The following GLG1 variants were observed in gnomAD, a reference collection of about 807,000 sequenced individuals.
GLG1 encodes the protein golgi glycoprotein 1, also known as Golgi apparatus protein 1.
Under a neutral mutation model 160.5 loss-of-function variants are expected in GLG1, and 38 were observed. That is an observed-to-expected ratio of 0.24 (90% confidence interval 0.18 to 0.31). The LOEUF (loss-of-function observed/expected upper bound fraction) is 0.31. Ranked by LOEUF, GLG1 falls within the 10% of genes least tolerant of loss-of-function variation. GLG1 has a pLI of 1.00. For synonymous variants in GLG1, 644 were observed against 543.4 expected, an observed-to-expected ratio of 1.19 and a Z score of -2.57; for missense variants, 1,373 against 1,505.2, an observed-to-expected ratio of 0.91 and a Z score of 1.45.
intron 21 of GLG1, 94 bp downstream of exon 21, chr16:74,462,394 G>C: frequency 8.1e-7 from 1 of 1,231,868 alleles, no homozygotes; most frequent in Middle Eastern, 2.3e-4. Flanking sequence ...AAGGTCTTGG[G>C]AAAACGGGAG....
intron 13 of GLG1, among the ~76,000 whole-genome samples, chr16:74,473,727 C>T (rs540479705): frequency 9.9e-5 from 15 of 152,184 alleles, no homozygotes; most frequent in African/African-American, 3.1e-4. Context: ...GTGTGAGCCA[C>T]TGCACCTGGC....
rs534283560 is a variant in GLG1, at chr16:74,463,258, G to A, written c.2791+98C>T. 3.9e-5 allele frequency: 47 copies of A among 1,216,116 alleles called. No individual in the cohort carries two copies. The South Asian group carries it at 5.8e-4, about 15-fold the overall frequency. 75.3% of individuals were successfully genotyped at this position (1,216,116 alleles called of 1,614,324 possible). A position where few individuals can be genotyped will look rare whatever the true frequency, so the allele number is the denominator to read the frequency against. Reference sequence around the variant, plus strand: ...TCAGACTCCTCCCTTAAAATTCCCAGGCAACAAAGCCCTGGGAGTTTGAGC... The same window carrying A: ...TCAGACTCCTCCCTTAAAATTCCCAAGCAACAAAGCCCTGGGAGTTTGAGC... On this transcript the variant is annotated intron_variant, in intron 20 of 25. Coordinates refer to ENST00000422840, the MANE Select transcript of GLG1 (RefSeq NM_001145667.2).
chr16:74,499,069 T>C lies in GLG1; in HGVS notation c.775-2425A>G, dbSNP rs1481696378. On this transcript the variant is annotated intron_variant, in intron 4 of 25. Coordinates refer to ENST00000422840, the MANE Select transcript of GLG1 (RefSeq NM_001145667.2). Reference sequence around the variant, plus strand: ...ATATGAAGAAAGGACACAGCTCTGATATCTACTGCGGACATGAATGAACAG... The same window carrying C: ...ATATGAAGAAAGGACACAGCTCTGACATCTACTGCGGACATGAATGAACAG... 2.0e-5 allele frequency among the ~76,000 whole-genome samples: 3 copies of C among 152,100 alleles called. No individual in the cohort carries two copies. In the East Asian group the frequency reaches 5.8e-4, roughly 29 times the overall value.
chr16:74,489,119 T>A (rs565817243), intron 8 of GLG1, among the ~76,000 whole-genome samples: 42 of 152,226 alleles, frequency 2.8e-4, no homozygotes, highest in African/African-American at 1.0e-3. Context: ...CGAAATAAAG[T>A]CAAACCAGTC....
intron 1 of GLG1, among the ~76,000 whole-genome samples, chr16:74,561,110 C>A (rs1239196100): frequency 6.6e-6 from 1 of 152,038 alleles, no homozygotes; most frequent in Non-Finnish European, 1.5e-5. Flanking sequence ...AGGATCGGGG[C>A]CAACAGGCAG....
At chr16:74,600,940 T>C (rs1235242393) in intron 1 of GLG1, among the ~76,000 whole-genome samples, 1 of 152,170 alleles carries the variant, frequency 6.6e-6, no homozygotes, top group East Asian at 1.9e-4. Flanking sequence ...AAACCAACTG[T>C]AAGCAATGGT....
chr16:74,519,661 G>A lies in GLG1; in HGVS notation c.472-10736C>T, dbSNP rs186445873. Among the ~76,000 whole-genome samples, 811 of 151,494 alleles carry A rather than the reference G, an allele frequency of 5.4e-3. 5 individuals are homozygous for A. The highest frequency in any genetic ancestry group is 0.017 in the African/African-American group (695 of 41,308). Reference sequence around the variant, plus strand: ...AAGTCAAAGCTATGTTGAGTCAAACGGTTCTATAAAGTTAGTTTAAAAAAT... The same window carrying A: ...AAGTCAAAGCTATGTTGAGTCAAACAGTTCTATAAAGTTAGTTTAAAAAAT... On this transcript the variant is annotated intron_variant, in intron 2 of 25. Coordinates refer to ENST00000422840, the MANE Select transcript of GLG1 (RefSeq NM_001145667.2).
chr16:74,513,916 C>A (rs958230093), intron 2 of GLG1, among the ~76,000 whole-genome samples: 2 of 152,054 alleles, frequency 1.3e-5, no homozygotes, highest in Admixed American at 6.5e-5. Context: ...AAATGGCTAA[C>A]TAGAATAACC....
At chr16:74,597,851 C>CAA (rs34802935) in intron 1 of GLG1, among the ~76,000 whole-genome samples, 3 of 103,102 alleles carry the variant, frequency 2.9e-5, no homozygotes, top group Non-Finnish European at 3.9e-5. Context: ...GAGACTGCCT[C>CAA]AAAAAAAAAA....
chr16:74,466,170 G>C (rs1367620244), intron 18 of GLG1, among the ~76,000 whole-genome samples: 1 of 152,154 alleles, frequency 6.6e-6, no homozygotes, highest in Non-Finnish European at 1.5e-5. Context: ...TAGACAGTGG[G>C]CACAAACCAG....
chr16:74,470,410 C>T (rs2015161814), intron 15 of GLG1, among the ~76,000 whole-genome samples: 1 of 149,862 alleles, frequency 6.7e-6, no homozygotes, highest in Admixed American at 6.7e-5. Context: ...TCCTTCCATC[C>T]ATCCATCCTA....
Position 74,452,126 on chromosome 16 carries a change from T to C in GLG1, c.*1041A>G, listed in dbSNP as rs1271235612. The C allele has an allele frequency of 6.2e-7, 1 of 1,613,968 alleles. No homozygotes were observed. Among genetic ancestry groups the C allele is most frequent in the East Asian group, 2.2e-5 (1 of 44,868 alleles). On this transcript the variant is annotated 3_prime_UTR_variant, in exon 26 of 26. Transcript: ENST00000422840. ...ATAAGCCATTGTCTCTGACCTGTATTGTAGCCTGAAAAATAAAGCAAAGTG... is the reference window on the plus strand; with the variant it reads ...ATAAGCCATTGTCTCTGACCTGTATCGTAGCCTGAAAAATAAAGCAAAGTG...
intron 15 of GLG1, 21 bp downstream of exon 15, chr16:74,471,152 T>A: frequency 1.6e-6 from 2 of 1,239,652 alleles, no homozygotes. Context: ...GATGGGATAT[T>A]GGCAGCCAGG....
intron 1 of GLG1, among the ~76,000 whole-genome samples, chr16:74,547,893 T>C (rs2018092897): frequency 6.6e-6 from 1 of 152,234 alleles, no homozygotes; most frequent in Non-Finnish European, 1.5e-5. Context: ...CTTAAAACAG[T>C]ATTTTCAGAA....
At position 74,450,687 on chromosome 16, in the gene GLG1, A is replaced by G. The variant is rs2014254189; in HGVS notation, c.*2480T>C. 1 of 152,060 alleles carries G rather than the reference A, an allele frequency of 6.6e-6. No homozygotes were observed. Among genetic ancestry groups the G allele is most frequent in the Non-Finnish European group, 1.5e-5 (1 of 68,026 alleles). 9.4% of individuals were successfully genotyped at this position (152,060 alleles called of 1,614,324 possible). A position where few individuals can be genotyped will look rare whatever the true frequency, so the allele number is the denominator to read the frequency against. The stretch of plus-strand genomic sequence containing the variant: ...AAGATGGTGAAACCCCATCTCTACT[A>G]AAAATACAAAAATAAGCCAGGCGTG... On this transcript the variant is annotated 3_prime_UTR_variant, in exon 26 of 26. Coordinates refer to ENST00000422840, the MANE Select transcript of GLG1 (RefSeq NM_001145667.2).
chr16:74,537,537 T>G (rs2017719238), intron 1 of GLG1, among the ~76,000 whole-genome samples: 1 of 143,348 alleles, frequency 7.0e-6, no homozygotes, highest in Admixed American at 7.3e-5. Context: ...GTCTGAGATA[T>G]CCTGAAATTG....
Position 74,606,861 on chromosome 16 carries a change from C to T in GLG1, c.234G>A (p.Gln78=), listed in dbSNP as rs1446182627. 1.9e-6 allele frequency: 3 copies of T among 1,598,912 alleles called. No homozygotes were observed. The highest frequency in any genetic ancestry group is 2.2e-5 in the South Asian group (2 of 89,866). ...QSSQLQQQQQ[Q]QQQQQQPQPP... Reference sequence around the variant, plus strand: ...GCTGAGGCTGCTGTTGCTGTTGCTGCTGCTGCTGTTGCTGCTGAAGCTGCG... The same window carrying T: ...GCTGAGGCTGCTGTTGCTGTTGCTGTTGCTGCTGTTGCTGCTGAAGCTGCG... Residue 78 remains glutamine, a synonymous_variant, in exon 1 of 26, where the codon CAG becomes CAA. Coordinates refer to ENST00000422840, the MANE Select transcript of GLG1 (RefSeq NM_001145667.2).
chr16:74,489,658 G>A (rs567936808), intron 8 of GLG1, among the ~76,000 whole-genome samples: 1 of 152,258 alleles, frequency 6.6e-6, no homozygotes, highest in East Asian at 1.9e-4. Flanking sequence ...ACAACACTGT[G>A]GCAAAATCAA....
chr16:74,454,346 C>T (rs1433518671), intron 25 of GLG1, among the ~76,000 whole-genome samples: 2 of 151,720 alleles, frequency 1.3e-5, no homozygotes, highest in East Asian at 3.9e-4. Flanking sequence ...GCTGAGACTA[C>T]AAGTGCACCA....
Sources: allele counts gnomAD v4.1 joint callset (sites outside exome capture counted in the v4.1 genomes callset), GRCh38; gene constraint gnomAD v4.1.1; transcripts MANE v1.5; gene names NCBI Gene and HGNC (gene_info 2026-07-23, HGNC 2026-07-21).